Variants in PHKB observed in about 807,000 individuals in gnomAD.
PHKB encodes phosphorylase kinase regulatory subunit beta.
PHKB carries 122 observed loss-of-function variants against 152.1 expected under a neutral mutation model. The observed-to-expected ratio is 0.80, with a 90% CI of 0.69 to 0.93. The LOEUF (loss-of-function observed/expected upper bound fraction) is 0.93. Among genes scored for constraint, PHKB ranks in the 40% least tolerant of loss-of-function variants. PHKB has a pLI of 0.00. For missense variants in PHKB, 1,304 were observed against 1,328.4 expected, an observed-to-expected ratio of 0.98 and a Z score of 0.29; for synonymous variants, 436 against 464.9, an observed-to-expected ratio of 0.94 and a Z score of 0.80.
At chr16:47,496,839 A>C (rs1970240750) in intron 1 of PHKB, among the ~76,000 whole-genome samples, 1 of 152,242 alleles carries the variant, frequency 6.6e-6, no homozygotes, top group Non-Finnish European at 1.5e-5. Flanking sequence ...CTTATAGTAC[A>C]GATAATAAGG....
At position 47,589,026 on chromosome 16, in the gene PHKB, A is replaced by G; in HGVS notation, c.992A>G (p.Lys331Arg). The change falls in exon 10 of 31, where the codon AAA becomes AGA. Residue 331 changes from lysine to arginine, a missense_variant. Coordinates refer to ENST00000323584, the MANE Select transcript of PHKB (RefSeq NM_000293.3). Reference sequence around the variant, plus strand: ...AAATTAAAAGGAAAATATGGATTTAAACGTTTCTTGAGAGATGGGTATAGA... The same window carrying G: ...AAATTAAAAGGAAAATATGGATTTAGACGTTTCTTGAGAGATGGGTATAGA... The part of the protein sequence containing the change: ...VRKLKGKYGF[K>R]RFLRDGYRTS... 6.2e-7 allele frequency: 1 copy of G among 1,613,868 alleles called. No individual in the cohort carries two copies. The highest frequency in any genetic ancestry group is 8.5e-7 in the Non-Finnish European group (1 of 1,179,764).
At chr16:47,652,201 CA>C (rs1973249613) in intron 20 of PHKB, among the ~76,000 whole-genome samples, 2 of 151,782 alleles carry the variant, frequency 1.3e-5, no homozygotes, top group South Asian at 4.2e-4. Context: ...TGCTTGGGTA[CA>C]AAGATTCTTT....
chr16:47,606,527 G>C (rs1447506726), intron 13 of PHKB, among the ~76,000 whole-genome samples: 4 of 152,118 alleles, frequency 2.6e-5, no homozygotes, highest in Non-Finnish European at 5.9e-5. Context: ...GAAGTGTGCC[G>C]ACTCACTTTA....
chr16:47,633,270 C>T (rs774966953), intron 14 of PHKB, among the ~76,000 whole-genome samples: 10 of 151,780 alleles, frequency 6.6e-5, no homozygotes, highest in Non-Finnish European at 1.5e-4. Flanking sequence ...TGGGTATGCT[C>T]AAGGGAAGAT....
intron 14 of PHKB, among the ~76,000 whole-genome samples, chr16:47,629,431 C>G (rs1195191672): frequency 3.9e-5 from 6 of 152,012 alleles, no homozygotes; most frequent in South Asian, 2.1e-4. Context: ...AAATGGTCAT[C>G]ATCACTGGCC....
chr16:47,580,483 C>G (rs1447564241), intron 8 of PHKB, 125 bp downstream of exon 8: 2 of 665,204 alleles, frequency 3.0e-6, no homozygotes, highest in African/African-American at 1.8e-5. Context: ...GAAGCTCATG[C>G]TTGAACTTTT....
intron 25 of PHKB, among the ~76,000 whole-genome samples, chr16:47,668,154 C>T (rs1229360032): frequency 1.3e-5 from 2 of 152,210 alleles, no homozygotes; most frequent in Non-Finnish European, 1.5e-5. Context: ...CAAGCACATT[C>T]GGATCACCTC....
chr16:47,513,157 T>G (rs1970538548), intron 5 of PHKB, among the ~76,000 whole-genome samples: 1 of 152,222 alleles, frequency 6.6e-6, no homozygotes, highest in Non-Finnish European at 1.5e-5. Flanking sequence ...TAGTTGGCCT[T>G]AAATAAATTT....
At chr16:47,550,568 T>C (rs57109634) in intron 7 of PHKB, among the ~76,000 whole-genome samples, 3 of 152,366 alleles carry the variant, frequency 2.0e-5, no homozygotes, top group African/African-American at 7.2e-5. Context: ...ATCTGAGTGT[T>C]GCCTTGGTGC....
intron 7 of PHKB, among the ~76,000 whole-genome samples, chr16:47,575,883 C>T (rs1971740023): frequency 6.6e-6 from 1 of 152,120 alleles, no homozygotes. Flanking sequence ...TCAAGACCAG[C>T]CTGATCAACA....
intron 5 of PHKB, among the ~76,000 whole-genome samples, chr16:47,512,586 T>A (rs1970528559): frequency 6.6e-6 from 1 of 152,218 alleles, no homozygotes; most frequent in Non-Finnish European, 1.5e-5. Context: ...CCAAAAGGTA[T>A]TTCTGAAGTC....
At chr16:47,618,720 C>T (rs763808357) in intron 14 of PHKB, among the ~76,000 whole-genome samples, 1 of 152,070 alleles carries the variant, frequency 6.6e-6, no homozygotes, top group Non-Finnish European at 1.5e-5. Flanking sequence ...CTTTTCTACC[C>T]CCACTTTTCT....
At chr16:47,473,195 G>C (rs1363941572) in intron 1 of PHKB, among the ~76,000 whole-genome samples, 1 of 136,798 alleles carries the variant, frequency 7.3e-6, no homozygotes, top group Non-Finnish European at 1.5e-5. Flanking sequence ...GGGCCTATAG[G>C]TGTGCACTAC....
intron 1 of PHKB, among the ~76,000 whole-genome samples, chr16:47,486,683 C>T (rs1322142047): frequency 2.0e-5 from 3 of 152,076 alleles, no homozygotes; most frequent in Non-Finnish European, 4.4e-5. Flanking sequence ...TATGAGTACC[C>T]GGAATATACA....
intron 14 of PHKB, among the ~76,000 whole-genome samples, chr16:47,630,656 T>C (rs542463229): frequency 2.0e-5 from 3 of 152,324 alleles, no homozygotes; most frequent in East Asian, 3.9e-4. Context: ...TAATTTTACA[T>C]GTCAACTTGT....
intron 7 of PHKB, among the ~76,000 whole-genome samples, chr16:47,555,337 AAC>A (rs1465568285): frequency 6.6e-6 from 1 of 152,200 alleles, no homozygotes; most frequent in Admixed American, 6.5e-5. Flanking sequence ...AGGGATTTAA[AAC>A]AGTGTTAATG....
At chr16:47,647,284 C>T (rs1011473838) in intron 16 of PHKB, among the ~76,000 whole-genome samples, 20 of 151,984 alleles carry the variant, frequency 1.3e-4, no homozygotes, top group Admixed American at 1.0e-3. Flanking sequence ...TCACCACGCC[C>T]GGCTAATTTT....
rs960439679 is a variant in PHKB at position 47,479,573 on chromosome 16, A to T, written c.77-17826A>T. ...GGCCTGAGAAACTGCTATTCTAACA[A>T]GCTCCCAGGTGAGGCCCTTGCTGCC... On this transcript the variant is annotated intron_variant, in intron 1 of 30. Transcript: ENST00000323584. Among the ~76,000 whole-genome samples the T allele has an allele frequency of 2.0e-5, 3 of 151,982 alleles. No individual in the cohort carries two copies. In the East Asian group the frequency reaches 5.8e-4, roughly 29 times the overall value.
intron 18 of PHKB, 39 bp from the exon 19 acceptor site, chr16:47,650,505 A>G: frequency 8.7e-7 from 1 of 1,146,014 alleles, no homozygotes; most frequent in Non-Finnish European, 1.3e-6. Flanking sequence ...TTCATCTTAG[A>G]TACTGTGCCA....
Sources: allele counts gnomAD v4.1 joint callset (sites outside exome capture counted in the v4.1 genomes callset), GRCh38; gene constraint gnomAD v4.1.1; transcripts MANE v1.5; gene names NCBI Gene and HGNC (gene_info 2026-07-23, HGNC 2026-07-21).